The following NOS1AP variants were observed in gnomAD, a reference collection of about 807,000 sequenced individuals.
NOS1AP encodes the protein carboxyl-terminal PDZ ligand of neuronal nitric oxide synthase protein.
Under a neutral mutation model 56.2 loss-of-function variants are expected in NOS1AP, and 21 were observed. That is an observed-to-expected ratio of 0.37 (90% CI 0.26 to 0.54). The LOEUF (loss-of-function observed/expected upper bound fraction) is 0.54. Ranked by LOEUF, NOS1AP falls within the 20% of genes least tolerant of loss-of-function variation. The pLI is 0.84. For synonymous variants in NOS1AP, 270 were observed against 274.6 expected, an observed-to-expected ratio of 0.98 and a Z score of 0.17; for missense variants, 522 against 657.8, an observed-to-expected ratio of 0.79 and a Z score of 2.26.
Position 162,167,482 on chromosome 1 carries a change from G to A in NOS1AP, c.177+13006G>A, listed in dbSNP as rs187301241. 3.7e-4 allele frequency among the ~76,000 whole-genome samples: 57 copies of A among 152,276 alleles called. No homozygotes were observed. In the East Asian group the frequency reaches 8.1e-3, roughly 22 times the overall value. On this transcript the variant is annotated intron_variant, in intron 2 of 9. Coordinates refer to ENST00000361897, the MANE Select transcript of NOS1AP (RefSeq NM_014697.3). ...AGCGGAGAGAGCTGGGCTCTGGACC[G>A]GGGAGTCCCCGGTTTGACTCCTTGC...
At chr1:162,175,680 A>G (rs563119153) in intron 2 of NOS1AP, among the ~76,000 whole-genome samples, 2 of 152,324 alleles carry the variant, frequency 1.3e-5, no homozygotes, top group South Asian at 2.1e-4. Context: ...CTCTCAGCAG[A>G]TAGAGCAATG....
chr1:162,331,116 G>A (rs997671508), intron 4 of NOS1AP, among the ~76,000 whole-genome samples: 1 of 152,198 alleles, frequency 6.6e-6, no homozygotes, highest in Non-Finnish European at 1.5e-5. Context: ...AGGAGATGCT[G>A]AGATACAATT....
intron 4 of NOS1AP, among the ~76,000 whole-genome samples, chr1:162,320,589 C>A (rs752838044): frequency 4.6e-5 from 7 of 152,158 alleles, no homozygotes; most frequent in Non-Finnish European, 1.0e-4. Context: ...GGAGCGGTGG[C>A]TCACGCCTGT....
intron 1 of NOS1AP, among the ~76,000 whole-genome samples, chr1:162,084,219 C>G (rs1691956605): frequency 6.6e-6 from 1 of 152,094 alleles, no homozygotes; most frequent in Non-Finnish European, 1.5e-5. Flanking sequence ...TTTCTTGGTT[C>G]TTGGAGTGAT....
chr1:162,202,436 A>G (rs1652024261), intron 2 of NOS1AP, among the ~76,000 whole-genome samples: 1 of 152,152 alleles, frequency 6.6e-6, no homozygotes, highest in African/African-American at 2.4e-5. Context: ...TGAATCTTAC[A>G]TTTGATGTAA....
intron 1 of NOS1AP, among the ~76,000 whole-genome samples, chr1:162,153,674 C>T (rs997062518): frequency 1.3e-5 from 2 of 152,080 alleles, no homozygotes; most frequent in African/African-American, 4.8e-5. Context: ...TAATATGAAC[C>T]TTTACATAAA....
At chr1:162,139,914 G>C (rs1260284066) in intron 1 of NOS1AP, among the ~76,000 whole-genome samples, 1 of 151,704 alleles carries the variant, frequency 6.6e-6, no homozygotes, top group Non-Finnish European at 1.5e-5. Context: ...TGCAACCTCT[G>C]CCTCCCTGGT....
At chr1:162,341,515 A>G (rs768610738) in intron 5 of NOS1AP, among the ~76,000 whole-genome samples, 3 of 152,232 alleles carry the variant, frequency 2.0e-5, no homozygotes, top group Non-Finnish European at 2.9e-5. Context: ...TTATTGTTAC[A>G]ACCTAAAACA....
At position 162,155,233 on chromosome 1, in the gene NOS1AP, TATACATATACATATACAC is replaced by T. The variant is rs1377175517; in HGVS notation, c.177+767_177+784del. Among the ~76,000 whole-genome samples, 132 of 17,648 alleles carry T rather than the reference TATACATATACATATACAC, an allele frequency of 7.5e-3. 1 individual carries two copies. The highest frequency in any genetic ancestry group is 0.03 in the Admixed American group (16 of 534). The allele number at this position is 17,648 out of a possible 152,430, so 11.6% of individuals were successfully genotyped here. On this transcript the variant is annotated intron_variant, in intron 2 of 9. Transcript: ENST00000361897. ...AGTGTGAAGCCTTTATACATATATA[TATACATATACATATACAC>T]ATACATATATATATACACATACATA...
At chr1:162,163,927 G>T (rs1451120110) in intron 2 of NOS1AP, among the ~76,000 whole-genome samples, 1 of 152,210 alleles carries the variant, frequency 6.6e-6, no homozygotes, top group African/African-American at 2.4e-5. Context: ...TGCTCTGGAA[G>T]TGAAGTGATT....
At chr1:162,170,725 G>A (rs1393315693) in intron 2 of NOS1AP, among the ~76,000 whole-genome samples, 2 of 152,044 alleles carry the variant, frequency 1.3e-5, no homozygotes, top group Non-Finnish European at 2.9e-5. Flanking sequence ...TCAGAAGTTC[G>A]AGACAGCCTG....
chr1:162,098,281 A>G (rs1692295688), intron 1 of NOS1AP, among the ~76,000 whole-genome samples: 1 of 146,666 alleles, frequency 6.8e-6, no homozygotes, highest in Admixed American at 6.8e-5. Context: ...TATTGTTTGT[A>G]TCTTTAGTAG....
chr1:162,090,503 T>C (rs1323733281), intron 1 of NOS1AP, among the ~76,000 whole-genome samples: 1 of 152,158 alleles, frequency 6.6e-6, no homozygotes, highest in Non-Finnish European at 1.5e-5. Context: ...TTTCACAGAC[T>C]ACTGTTTTTA....
At chr1:162,306,470 A>G (rs1655831154) in intron 4 of NOS1AP, among the ~76,000 whole-genome samples, 1 of 152,142 alleles carries the variant, frequency 6.6e-6, no homozygotes, top group Non-Finnish European at 1.5e-5. Context: ...CTTCACTCCC[A>G]CTTCCCAAAT....
At chr1:162,239,828 A>G (rs1324757887) in intron 2 of NOS1AP, among the ~76,000 whole-genome samples, 1 of 152,236 alleles carries the variant, frequency 6.6e-6, no homozygotes, top group Non-Finnish European at 1.5e-5. Flanking sequence ...CAATGAGTAT[A>G]ATGACTTCGA....
intron 1 of NOS1AP, among the ~76,000 whole-genome samples, chr1:162,113,471 T>C (rs1236432026): frequency 2.0e-5 from 3 of 152,076 alleles, no homozygotes; most frequent in African/African-American, 7.2e-5. Context: ...ACTGGGTAGT[T>C]TATAAAGAAA....
intron 1 of NOS1AP, among the ~76,000 whole-genome samples, chr1:162,073,292 C>T (rs1030646603): frequency 6.6e-6 from 1 of 152,142 alleles, no homozygotes; most frequent in East Asian, 1.9e-4. Context: ...AGATTTAAGC[C>T]TGGGGCTTTG....
At chr1:162,159,897 C>T (rs1397693020) in intron 2 of NOS1AP, among the ~76,000 whole-genome samples, 1 of 152,128 alleles carries the variant, frequency 6.6e-6, no homozygotes, top group African/African-American at 2.4e-5. Context: ...CTGCAGTGCC[C>T]AGCTCCAGCA....
chr1:162,133,420 C>T (rs993494939), intron 1 of NOS1AP, among the ~76,000 whole-genome samples: 56 of 152,292 alleles, frequency 3.7e-4, no homozygotes, highest in African/African-American at 1.3e-3. Context: ...AACCCAGATA[C>T]CATTTATAGT....
Sources: allele counts gnomAD v4.1 joint callset (sites outside exome capture counted in the v4.1 genomes callset), GRCh38; gene constraint gnomAD v4.1.1; transcripts MANE v1.5; gene names NCBI Gene and HGNC (gene_info 2026-07-23, HGNC 2026-07-21).